Variants in PCDHGA5 observed in about 807,000 individuals in gnomAD.
The protein encoded by PCDHGA5 is protocadherin gamma subfamily A, 5, also known as protocadherin gamma-A5.
A neutral mutation model predicts 56.7 loss-of-function variants in PCDHGA5; 36 were observed. The ratio of observed to expected loss-of-function variants is 0.64; its 90% confidence interval spans 0.49 to 0.84. PCDHGA5 has a LOEUF of 0.84. Ranked by LOEUF, PCDHGA5 falls within the 40% of genes least tolerant of loss-of-function variation. The pLI is 0.00. For synonymous variants in PCDHGA5, 563 were observed against 520.2 expected, an observed-to-expected ratio of 1.08 and a Z score of -1.12; for missense variants, 1,305 against 1,201.5, an observed-to-expected ratio of 1.09 and a Z score of -1.27.
At chr5:141,374,056 T>A in intron 1 of PCDHGA5, 1 of 1,485,728 alleles carries the variant, frequency 6.7e-7, no homozygotes, top group Non-Finnish European at 8.9e-7. Context: ...CTCTTCTTAA[T>A]CCCAGAGAAG....
In PCDHGA5 at chr5:141,402,880, A is replaced by T; in HGVS notation, c.2421+36129A>T. The T allele has an allele frequency of 1.4e-6, 2 of 1,474,944 alleles. 1 individual carries two copies. The highest frequency in any genetic ancestry group is 2.9e-5 in the South Asian group (2 of 68,686). 91.4% of individuals were successfully genotyped at this position (1,474,944 alleles called of 1,614,324 possible). On this transcript the variant is annotated intron_variant, in intron 1 of 3. Coordinates refer to ENST00000518069, the MANE Select transcript of PCDHGA5 (RefSeq NM_018918.3). ...TAAGGAAAAGATCACCATACTTTGCAGGGTGGAAGAAAGAACCTGATGAAG... is the reference window on the plus strand; with the variant it reads ...TAAGGAAAAGATCACCATACTTTGCTGGGTGGAAGAAAGAACCTGATGAAG...
At chr5:141,419,276 CAA>C in intron 1 of PCDHGA5, 4 of 1,614,038 alleles carry the variant, frequency 2.5e-6, no homozygotes, top group Non-Finnish European at 3.4e-6. Flanking sequence ...CTCCATAGCG[CAA>C]GTCAGTGCCT....
intron 1 of PCDHGA5, chr5:141,395,542 T>G (rs1357533541): frequency 1.8e-5 from 3 of 170,278 alleles, no homozygotes; most frequent in South Asian, 8.8e-5. Context: ...TTGCTATTGT[T>G]TGTGTGTGTG....
chr5:141,421,149 C>T (rs1030911066), intron 1 of PCDHGA5: 1 of 1,086,106 alleles, frequency 9.2e-7, no homozygotes, highest in Non-Finnish European at 1.3e-6. Context: ...ATGTAGTCGG[C>T]CTAGGACTTC....
At chr5:141,414,015 A>C in intron 1 of PCDHGA5, 1 of 1,613,160 alleles carries the variant, frequency 6.2e-7, no homozygotes, top group South Asian at 1.1e-5. Context: ...CCAATGGAGA[A>C]GTGACATATT....
At position 141,459,533 on chromosome 5, in the gene PCDHGA5, A is replaced by AT. The variant is rs956234847; in HGVS notation, c.2422-35266dup. Among the ~76,000 whole-genome samples the AT allele has an allele frequency of 1.2e-4, 18 of 152,018 alleles. No homozygotes were observed. In the South Asian group the frequency reaches 2.3e-3, roughly 19 times the overall value. ...CATGTACAAGTATTTTTGTAGGCAT[A>AT]TTTTTTTTATTTCTCTTGGATAAAT... is the stretch of plus-strand genomic sequence containing the variant. On this transcript the variant is annotated intron_variant, in intron 1 of 3. Transcript: ENST00000518069.
intron 1 of PCDHGA5, among the ~76,000 whole-genome samples, chr5:141,459,544 T>G (rs772982634): frequency 6.6e-6 from 1 of 152,246 alleles, no homozygotes; most frequent in Non-Finnish European, 1.5e-5. Flanking sequence ...TTTTTTTTAT[T>G]TCTCTTGGAT....
At chr5:141,457,500 A>G (rs1483244745) in intron 1 of PCDHGA5, among the ~76,000 whole-genome samples, 1 of 152,244 alleles carries the variant, frequency 6.6e-6, no homozygotes, top group African/African-American at 2.4e-5. Context: ...AAATGTAGGC[A>G]AAAAGCTTAA....
intron 2 of PCDHGA5, among the ~76,000 whole-genome samples, chr5:141,505,069 G>A (rs2099843308): frequency 2.0e-5 from 3 of 152,340 alleles, no homozygotes; most frequent in East Asian, 1.9e-4. Flanking sequence ...GACTGAGGCA[G>A]GAGAATCGCT....
chr5:141,370,930 C>T lies in PCDHGA5; in HGVS notation c.2421+4179C>T, dbSNP rs753377715. ...TACCTCAGCCCTGATCCGCACTTCT[C>T]TTTGATTCAGAAGGAGAACCTGGAT... On this transcript the variant is annotated intron_variant, in intron 1 of 3. Transcript: ENST00000518069. 16 of 1,613,894 alleles carry T rather than the reference C, an allele frequency of 9.9e-6. No homozygotes were observed. The African/African-American group carries it at 2.1e-4, about 22-fold the overall frequency.
chr5:141,370,858 A>C (rs1028921774), intron 1 of PCDHGA5: 9 of 1,613,928 alleles, frequency 5.6e-6, no homozygotes, highest in Admixed American at 1.7e-5. Context: ...TTTGCCCTGG[A>C]ATCTGCGCAA....
intron 1 of PCDHGA5, chr5:141,415,758 T>G (rs200061978): frequency 0.08 from 111,079 of 1,380,048 alleles, 1,979 homozygotes; most frequent in African/African-American, 0.17. Context: ...TTTTTTTTTT[T>G]TTTTTTTTTT....
chr5:141,431,023 C>G lies in PCDHGA5; in HGVS notation c.2422-63784C>G. 6.2e-7 allele frequency: 1 copy of G among 1,613,748 alleles called. No homozygotes were observed. Among genetic ancestry groups the G allele is most frequent in the Non-Finnish European group, 8.5e-7 (1 of 1,179,820 alleles). On this transcript the variant is annotated intron_variant, in intron 1 of 3. Transcript: ENST00000518069. This position sits in a 1 kb window ranked among gnomAD's most constrained non-coding sequence, Gnocchi z 4.8. ...GCAGCGGCAGCTTGGTCACGGCGGG[C>G]AGGATAGACCGGGAGGAGCTCTGTA...
rs763582836 is a variant in PCDHGA5 at position 141,404,442 on chromosome 5, A to G, written c.2421+37691A>G. Reference sequence around the variant, plus strand: ...TACTCCTTGGCAGAGGATACCATCCAAGGGTCTCCTCTCTCCACCTATGTC... The same window carrying G: ...TACTCCTTGGCAGAGGATACCATCCGAGGGTCTCCTCTCTCCACCTATGTC... On this transcript the variant is annotated intron_variant, in intron 1 of 3. Transcript: ENST00000518069. 21 of 1,610,906 alleles carry G rather than the reference A, an allele frequency of 1.3e-5. No homozygotes were observed. In the Admixed American group the frequency reaches 3.5e-4, roughly 27 times the overall value.
chr5:141,486,337 C>T lies in PCDHGA5; in HGVS notation c.2422-8470C>T, dbSNP rs116799150. On this transcript the variant is annotated intron_variant, in intron 1 of 3. Coordinates refer to ENST00000518069, the MANE Select transcript of PCDHGA5 (RefSeq NM_018918.3). The surrounding 1 kb of genome is among the most constrained non-coding windows in gnomAD (Gnocchi z 5.0). ...GGTCAAACGGAGATGTGAGCCTCCG[C>T]ATTCCTGACCACTTGCCATTTGCCC... 1 of 1,614,076 alleles carries T rather than the reference C, an allele frequency of 6.2e-7. No homozygotes were observed. Among genetic ancestry groups the T allele is most frequent in the Non-Finnish European group, 8.5e-7 (1 of 1,179,966 alleles).
At chr5:141,454,721 A>G (rs2098797156) in intron 1 of PCDHGA5, among the ~76,000 whole-genome samples, 1 of 146,810 alleles carries the variant, frequency 6.8e-6, no homozygotes, top group South Asian at 2.2e-4. Flanking sequence ...ATTCCATATT[A>G]TATGTTATAG....
At chr5:141,496,844 T>G (rs1275272674) in intron 2 of PCDHGA5, among the ~76,000 whole-genome samples, 2 of 150,852 alleles carry the variant, frequency 1.3e-5, no homozygotes, top group Non-Finnish European at 2.9e-5. Context: ...CTCATAGGCT[T>G]CCAGACCAGC....
chr5:141,426,451 C>T (rs561567196), intron 1 of PCDHGA5: 1 of 308,946 alleles, frequency 3.2e-6, no homozygotes, highest in Non-Finnish European at 6.4e-6. Flanking sequence ...GGACATGCGG[C>T]TGCATGTTCA....
At chr5:141,479,953 CAGTT>C (rs1198160373) in intron 1 of PCDHGA5, among the ~76,000 whole-genome samples, 1 of 152,182 alleles carries the variant, frequency 6.6e-6, no homozygotes, top group African/African-American at 2.4e-5. Flanking sequence ...TTGGATTTGG[CAGTT>C]AGTCAAATGA....
Sources: allele counts gnomAD v4.1 joint callset (sites outside exome capture counted in the v4.1 genomes callset), GRCh38; gene constraint gnomAD v4.1.1; non-coding constraint Gnocchi (gnomAD v3.1); transcripts MANE v1.5; gene names NCBI Gene and HGNC (gene_info 2026-07-23, HGNC 2026-07-21).